The following UBE2D1 variants were observed in gnomAD, a reference collection of about 807,000 sequenced individuals.
The protein encoded by UBE2D1 is ubiquitin-conjugating enzyme E2 D1.
In UBE2D1, 9 loss-of-function variants were observed where a neutral mutation model predicts 24.6. The ratio of observed to expected loss-of-function variants is 0.37; its 90% CI spans 0.22 to 0.64. UBE2D1 has a LOEUF of 0.64. Ranked by LOEUF, UBE2D1 falls within the 30% of genes least tolerant of loss-of-function variation. The pLI, the probability that UBE2D1 is intolerant of heterozygous loss-of-function variation, is 0.64. For synonymous variants in UBE2D1, 57 were observed against 57.6 expected (o/e 0.99, Z 0.04); for missense variants, 87 against 177.1 (o/e 0.49, Z 2.89).
intron 1 of UBE2D1, among the ~76,000 whole-genome samples, chr10:58,360,367 G>C (rs891970418): frequency 6.6e-6 from 1 of 151,884 alleles, no homozygotes. Flanking sequence ...GGCTAAAGAA[G>C]TGAAGTAACT....
intron 1 of UBE2D1, among the ~76,000 whole-genome samples, chr10:58,339,629 T>C (rs942490257): frequency 6.6e-6 from 1 of 152,144 alleles, no homozygotes; most frequent in Non-Finnish European, 1.5e-5. Flanking sequence ...GTAGAAACAG[T>C]GTTATTTCCA....
At chr10:58,354,628 TC>T (rs1397730324) in intron 1 of UBE2D1, among the ~76,000 whole-genome samples, 1 of 152,028 alleles carries the variant, frequency 6.6e-6, no homozygotes, top group Non-Finnish European at 1.5e-5. Context: ...AGGCAGGAGT[TC>T]AAGACCAGCC....
intron 1 of UBE2D1, among the ~76,000 whole-genome samples, chr10:58,352,568 A>C (rs1840088974): frequency 6.6e-6 from 1 of 152,028 alleles, no homozygotes; most frequent in Non-Finnish European, 1.5e-5. Context: ...GGGCAACATA[A>C]GGAGACCCCC....
chr10:58,362,566 CA>C (rs1451778592), intron 3 of UBE2D1, among the ~76,000 whole-genome samples: 1 of 152,102 alleles, frequency 6.6e-6, no homozygotes, highest in Non-Finnish European at 1.5e-5. Flanking sequence ...TGGCCTTTCA[CA>C]AATATTTTTT....
chr10:58,351,654 AG>A (rs544045853), intron 1 of UBE2D1, among the ~76,000 whole-genome samples: 55 of 152,326 alleles, frequency 3.6e-4, no homozygotes, highest in African/African-American at 1.3e-3. Context: ...TTATTTTATA[AG>A]TAGAAAGAGT....
At chr10:58,340,432 A>C (rs1839950208) in intron 1 of UBE2D1, among the ~76,000 whole-genome samples, 1 of 152,156 alleles carries the variant, frequency 6.6e-6, no homozygotes, top group East Asian at 1.9e-4. Context: ...TTGTTTCTTA[A>C]ATCACTTTCC....
chr10:58,340,183 A>T (rs1839947693), intron 1 of UBE2D1, among the ~76,000 whole-genome samples: 1 of 152,194 alleles, frequency 6.6e-6, no homozygotes, highest in South Asian at 2.1e-4. Flanking sequence ...ATTGTTACTA[A>T]TGAGATATTT....
intron 1 of UBE2D1, among the ~76,000 whole-genome samples, chr10:58,359,355 G>A (rs1840169208): frequency 6.6e-6 from 1 of 152,142 alleles, no homozygotes; most frequent in Non-Finnish European, 1.5e-5. Flanking sequence ...AGGATGTGCT[G>A]TACAGTTGAT....
intron 1 of UBE2D1, among the ~76,000 whole-genome samples, 176 bp downstream of exon 1, chr10:58,335,401 A>G (rs1489876339): frequency 6.6e-6 from 1 of 152,118 alleles, no homozygotes; most frequent in Non-Finnish European, 1.5e-5. Flanking sequence ...GTGAGGTGGG[A>G]GCAGGGTCAG....
At chr10:58,366,964 G>A (rs1840262370) in intron 5 of UBE2D1, among the ~76,000 whole-genome samples, 1 of 152,088 alleles carries the variant, frequency 6.6e-6, no homozygotes, top group Non-Finnish European at 1.5e-5. Context: ...AGTTAGCCCT[G>A]AAAATCTGCC....
intron 1 of UBE2D1, among the ~76,000 whole-genome samples, chr10:58,337,776 T>A (rs961750607): frequency 6.6e-6 from 1 of 152,040 alleles, no homozygotes; most frequent in African/African-American, 2.4e-5. Flanking sequence ...TGAGGACCAC[T>A]GATGTTCTGG....
intron 3 of UBE2D1, among the ~76,000 whole-genome samples, chr10:58,362,801 GA>G (rs1398190202): frequency 1.3e-5 from 2 of 151,952 alleles, no homozygotes; most frequent in African/African-American, 4.8e-5. Flanking sequence ...AACTTAACGA[GA>G]AAGTAATGAG....
At chr10:58,337,195 T>C (rs1004460272) in intron 1 of UBE2D1, among the ~76,000 whole-genome samples, 5 of 152,224 alleles carry the variant, frequency 3.3e-5, no homozygotes, top group Non-Finnish European at 7.3e-5. Context: ...AAATTGATAT[T>C]TTGGAAAAGA....
intron 1 of UBE2D1, among the ~76,000 whole-genome samples, chr10:58,345,516 A>G (rs1840006649): frequency 6.6e-6 from 1 of 152,160 alleles, no homozygotes. Context: ...TTCTGATACA[A>G]GGCATATATT....
chr10:58,353,634 TTC>T (rs1010356689), intron 1 of UBE2D1, among the ~76,000 whole-genome samples: 2 of 152,206 alleles, frequency 1.3e-5, no homozygotes, highest in Non-Finnish European at 2.9e-5. Context: ...ATATAATACA[TTC>T]TGTAAATTGA....
At chr10:58,352,970 T>C (rs969910524) in intron 1 of UBE2D1, among the ~76,000 whole-genome samples, 1 of 152,198 alleles carries the variant, frequency 6.6e-6, no homozygotes, top group Non-Finnish European at 1.5e-5. Context: ...TTGAGACTTA[T>C]AGCTACTCTT....
intron 1 of UBE2D1, among the ~76,000 whole-genome samples, chr10:58,345,346 G>A (rs560687774): frequency 2.0e-5 from 3 of 152,086 alleles, no homozygotes; most frequent in Non-Finnish European, 2.9e-5. Context: ...ATCGTGGCAC[G>A]TGCCTGTAGT....
chr10:58,347,639 C>CTTTTTTTT (rs774396274), intron 1 of UBE2D1, among the ~76,000 whole-genome samples: 1 of 116,242 alleles, frequency 8.6e-6, no homozygotes. Flanking sequence ...AAATTACACT[C>CTTTTTTTT]TTTTTTTTTT....
At chr10:58,364,719 A>G in intron 4 of UBE2D1, 52 bp from the exon 5 acceptor site, 1 of 1,379,772 alleles carries the variant, frequency 7.2e-7, no homozygotes, top group Admixed American at 1.7e-5. Flanking sequence ...TGTTTTATTC[A>G]TAGTTGATTC....
Sources: allele counts gnomAD v4.1 joint callset (sites outside exome capture counted in the v4.1 genomes callset), GRCh38; gene constraint gnomAD v4.1.1; transcripts MANE v1.5; gene names NCBI Gene and HGNC (gene_info 2026-07-23, HGNC 2026-07-21).